The following HDAC4 variants were observed in gnomAD, a reference collection of about 807,000 sequenced individuals.
HDAC4 encodes histone deacetylase 4, also known as histone deacetylase A.
Under a neutral mutation model 135.1 loss-of-function variants are expected in HDAC4, and 16 were observed. The ratio of observed to expected loss-of-function variants is 0.12; its 90% CI spans 0.08 to 0.18. The LOEUF (loss-of-function observed/expected upper bound fraction) is 0.18. Among genes scored for constraint, HDAC4 ranks in the 10% least tolerant of loss-of-function variants. The pLI, the probability that HDAC4 is intolerant of heterozygous loss-of-function variation, is 1.00. For missense variants in HDAC4, 1,143 were observed against 1,511.8 expected, an observed-to-expected ratio of 0.76 and a Z score of 4.05; for synonymous variants, 685 against 653.4, an observed-to-expected ratio of 1.05 and a Z score of -0.74.
intron 3 of HDAC4, among the ~76,000 whole-genome samples, chr2:239,199,761 TCTCG>T (rs1231219684): frequency 6.8e-6 from 1 of 147,366 alleles, no homozygotes; most frequent in African/African-American, 2.5e-5. Flanking sequence ...TGAGATGGAG[TCTCG>T]CTCTGTCACC....
chr2:239,145,496 G>C (rs12463565), intron 7 of HDAC4, among the ~76,000 whole-genome samples: 106,699 of 152,258 alleles, frequency 0.7, 38,097 homozygotes, highest in South Asian at 0.91. Context: ...TCCGGCGCGA[G>C]GCCCGCCTTG....
chr2:239,365,879 T>C (rs1575756515), intron 1 of HDAC4, among the ~76,000 whole-genome samples: 1 of 145,462 alleles, frequency 6.9e-6, no homozygotes, highest in Admixed American at 6.8e-5. Flanking sequence ...CGCGTGGCAC[T>C]GGGGGACACA....
chr2:239,288,488 G>C (rs1020257398), intron 2 of HDAC4, among the ~76,000 whole-genome samples: 2 of 152,112 alleles, frequency 1.3e-5, no homozygotes, highest in African/African-American at 4.8e-5. Flanking sequence ...CACAGGAATT[G>C]GAGAGGAAGA....
chr2:239,392,006 C>T (rs897712301), intron 1 of HDAC4, among the ~76,000 whole-genome samples: 3 of 152,216 alleles, frequency 2.0e-5, no homozygotes, highest in African/African-American at 7.2e-5. Context: ...TTGTGAACTC[C>T]GAAGCCCAAA....
At chr2:239,369,130 C>A (rs1002969817) in intron 1 of HDAC4, among the ~76,000 whole-genome samples, 1 of 152,126 alleles carries the variant, frequency 6.6e-6, no homozygotes, top group Admixed American at 6.5e-5. Context: ...CACAGACAGG[C>A]CCTCTCTGGT....
At chr2:239,276,838 AC>A (rs1418759336) in intron 2 of HDAC4, among the ~76,000 whole-genome samples, 1 of 152,206 alleles carries the variant, frequency 6.6e-6, no homozygotes, top group Non-Finnish European at 1.5e-5. Flanking sequence ...GGGTGAAGCC[AC>A]CACCAAGTGA....
At chr2:239,300,453 C>T (rs530156654) in intron 2 of HDAC4, among the ~76,000 whole-genome samples, 3 of 152,218 alleles carry the variant, frequency 2.0e-5, no homozygotes, top group Non-Finnish European at 4.4e-5. Flanking sequence ...GTGGCTGCCC[C>T]GATGGGCATT....
At position 239,204,356 on chromosome 2, in the gene HDAC4, A is replaced by T. The variant is rs1292351172; in HGVS notation, c.95-14279T>A. Among the ~76,000 whole-genome samples, 29 of 152,222 alleles carry T rather than the reference A, an allele frequency of 1.9e-4. 1 individual carries two copies. Among genetic ancestry groups the T allele is most frequent in the Admixed American group, 1.9e-3 (29 of 15,286 alleles). On this transcript the variant is annotated intron_variant, in intron 3 of 26. Coordinates refer to ENST00000543185, the MANE Select transcript of HDAC4 (RefSeq NM_001378414.1). ...GTGACTCGGCCTGGGCTTTATTAGAAAAGGCACCCTGAATACACAGGGCTC... is the reference window on the plus strand; with the variant it reads ...GTGACTCGGCCTGGGCTTTATTAGATAAGGCACCCTGAATACACAGGGCTC...
rs1480907775 is a variant in HDAC4 at position 239,313,595 on chromosome 2, C to A, written c.22+39083G>T. On this transcript the variant is annotated intron_variant, in intron 2 of 26. Transcript: ENST00000543185. This position sits in a 1 kb window ranked among gnomAD's most constrained non-coding sequence, Gnocchi z 5.1. ...TGGTCAGGCCCTTAGCACCTCCTGA[C>A]CCCCCGATCTCCCAGACTCTCTGCT... 6.6e-6 allele frequency among the ~76,000 whole-genome samples: 1 copy of A among 152,102 alleles called. No homozygotes were observed. Among genetic ancestry groups the A allele is most frequent in the Admixed American group, 6.5e-5 (1 of 15,284 alleles).
At chr2:239,186,137 G>A (rs1045770157) in intron 4 of HDAC4, among the ~76,000 whole-genome samples, 1 of 152,122 alleles carries the variant, frequency 6.6e-6, no homozygotes, top group African/African-American at 2.4e-5. Flanking sequence ...GGAGAGGCAA[G>A]GCTGTGTCTA....
intron 3 of HDAC4, among the ~76,000 whole-genome samples, chr2:239,200,196 A>G (rs1340108067): frequency 1.3e-5 from 2 of 152,166 alleles, no homozygotes; most frequent in Non-Finnish European, 2.9e-5. Flanking sequence ...AGGGACGGAC[A>G]TGCGTGTTTG....
At position 239,135,795 on chromosome 2, in the gene HDAC4, C is replaced by T. The variant is rs573526853; in HGVS notation, c.979-1152G>A. Among the ~76,000 whole-genome samples, 6 of 152,264 alleles carry T rather than the reference C, an allele frequency of 3.9e-5. No individual in the cohort carries two copies. In the South Asian group the frequency reaches 6.2e-4, roughly 16 times the overall value. ...AACAGAACGGAGGGGCATTGCACAC[C>T]GGGATGCTCTGGGGGTTGGGAACGA... On this transcript the variant is annotated intron_variant, in intron 9 of 26. Transcript: ENST00000543185.
chr2:239,141,522 A>G lies in HDAC4; in HGVS notation c.866-1726T>C, dbSNP rs770935535. On this transcript the variant is annotated intron_variant, in intron 8 of 26. Transcript: ENST00000543185. The surrounding 1 kb of genome is among the most constrained non-coding windows in gnomAD (Gnocchi z 4.9). ...CATGTTATTTGCACTGTGAGTGGGC[A>G]TTCTGAGAATGCCACCTGGGCTGAG... 5.3e-5 allele frequency among the ~76,000 whole-genome samples: 8 copies of G among 152,182 alleles called. No homozygotes were observed. Among genetic ancestry groups the G allele is most frequent in the Non-Finnish European group, 8.8e-5 (6 of 68,038 alleles).
At chr2:239,145,380 G>A (rs564135967) in intron 7 of HDAC4, among the ~76,000 whole-genome samples, 1 of 152,144 alleles carries the variant, frequency 6.6e-6, no homozygotes, top group South Asian at 2.1e-4. Context: ...ACTGGGCGTG[G>A]GTCGGTTTCT....
intron 16 of HDAC4, among the ~76,000 whole-genome samples, chr2:239,099,980 C>A (rs1258043320): frequency 6.6e-6 from 1 of 152,248 alleles, no homozygotes; most frequent in South Asian, 2.1e-4. Flanking sequence ...CCTACTCACC[C>A]GGCAGTTTGG....
At chr2:239,082,891 G>T (rs1382805290) in intron 20 of HDAC4, among the ~76,000 whole-genome samples, 1 of 152,268 alleles carries the variant, frequency 6.6e-6, no homozygotes, top group Admixed American at 6.5e-5. Flanking sequence ...TGGTCACCAG[G>T]ATGGGCGGGC....
chr2:239,388,435 C>T (rs917362725), intron 1 of HDAC4, among the ~76,000 whole-genome samples: 1 of 152,232 alleles, frequency 6.6e-6, no homozygotes, highest in African/African-American at 2.4e-5. Flanking sequence ...ACGTTTGCAT[C>T]GGCCTTCTCA....
intron 12 of HDAC4, among the ~76,000 whole-genome samples, chr2:239,124,455 TGTCA>T (rs935851060): frequency 2.8e-4 from 42 of 152,370 alleles, no homozygotes; most frequent in Admixed American, 2.0e-3. Context: ...TGCTGCCGCT[TGTCA>T]GTGTCATTCC....
At chr2:239,329,145 T>TC (rs1046207048) in intron 2 of HDAC4, among the ~76,000 whole-genome samples, 18 of 129,044 alleles carry the variant, frequency 1.4e-4, no homozygotes, top group Admixed American at 2.3e-4. Flanking sequence ...ACCCCCCACA[T>TC]CCCCCCCAGT....
Sources: allele counts gnomAD v4.1 joint callset (sites outside exome capture counted in the v4.1 genomes callset), GRCh38; gene constraint gnomAD v4.1.1; non-coding constraint Gnocchi (gnomAD v3.1); transcripts MANE v1.5; gene names NCBI Gene and HGNC (gene_info 2026-07-23, HGNC 2026-07-21).